The following PBX1 variants were observed in gnomAD, a reference collection of about 807,000 sequenced individuals.
PBX1 encodes PBX homeobox 1, also known as pre-B-cell leukemia transcription factor 1.
Under a neutral mutation model 53.4 loss-of-function variants are expected in PBX1, and 6 were observed. The ratio of observed to expected loss-of-function variants is 0.11; its 90% CI spans 0.06 to 0.22. The LOEUF is 0.22. Among genes scored for constraint, PBX1 ranks in the 10% least tolerant of loss-of-function variants. PBX1 has a pLI of 1.00. For synonymous variants in PBX1, 204 were observed against 212.3 expected, an observed-to-expected ratio of 0.96 and a Z score of 0.34; for missense variants, 251 against 551.4, an observed-to-expected ratio of 0.46 and a Z score of 5.46.
chr1:164,773,187 A>G (rs997016184), intron 2 of PBX1, among the ~76,000 whole-genome samples: 3 of 151,194 alleles, frequency 2.0e-5, no homozygotes, highest in African/African-American at 7.3e-5. Flanking sequence ...CTTCAGCTCC[A>G]TGTCACTCAT....
At chr1:164,772,547 G>A (rs1289541612) in intron 2 of PBX1, among the ~76,000 whole-genome samples, 1 of 152,214 alleles carries the variant, frequency 6.6e-6, no homozygotes, top group Non-Finnish European at 1.5e-5. Flanking sequence ...GTTGTCACCA[G>A]GATCACATAT....
intron 2 of PBX1, among the ~76,000 whole-genome samples, chr1:164,689,316 A>T (rs938172727): frequency 1.3e-5 from 2 of 150,962 alleles, no homozygotes; most frequent in Non-Finnish European, 3.0e-5. Context: ...TTTCTTTTTC[A>T]TTCTTCTTTT....
intron 3 of PBX1, among the ~76,000 whole-genome samples, chr1:164,794,403 G>T (rs1479921952): frequency 2.0e-5 from 3 of 152,124 alleles, no homozygotes; most frequent in Admixed American, 2.0e-4. Context: ...TTTTATGAGG[G>T]CAGAAAAATT....
intron 2 of PBX1, among the ~76,000 whole-genome samples, chr1:164,868,530 A>T (rs538260357): frequency 2.0e-5 from 3 of 152,202 alleles, no homozygotes; most frequent in African/African-American, 7.2e-5. Context: ...TGCAAGCAGC[A>T]TGGTCCAAGG....
intron 8 of PBX1, among the ~76,000 whole-genome samples, chr1:164,823,524 C>A (rs1219736593): frequency 7.1e-6 from 1 of 141,490 alleles, no homozygotes; most frequent in African/African-American, 2.7e-5. Flanking sequence ...CATGACTGGG[C>A]AGGAAATGGG....
intron 2 of PBX1, among the ~76,000 whole-genome samples, chr1:164,874,642 C>T (rs540839732): frequency 3.9e-4 from 60 of 152,192 alleles, no homozygotes; most frequent in Admixed American, 1.3e-3. Flanking sequence ...TTCAGGCGTA[C>T]GTCACCACGC....
intron 2 of PBX1, among the ~76,000 whole-genome samples, chr1:164,673,906 G>A (rs1350722924): frequency 1.3e-5 from 2 of 152,104 alleles, no homozygotes; most frequent in Non-Finnish European, 2.9e-5. Flanking sequence ...CACAATGATA[G>A]CTGCTACTTT....
chr1:164,587,626 G>T (rs762265652), intron 2 of PBX1, among the ~76,000 whole-genome samples: 1 of 152,074 alleles, frequency 6.6e-6, no homozygotes, highest in Non-Finnish European at 1.5e-5. Flanking sequence ...TGCAAAATGA[G>T]AAGTTTTAAA....
At chr1:164,615,274 C>A (rs191395222) in intron 2 of PBX1, among the ~76,000 whole-genome samples, 6 of 152,252 alleles carry the variant, frequency 3.9e-5, no homozygotes, top group Admixed American at 3.9e-4. Context: ...TTACCCTGGT[C>A]TTGTTGACCA....
intron 8 of PBX1, among the ~76,000 whole-genome samples, chr1:164,825,637 G>A (rs1166904492): frequency 2.6e-5 from 4 of 151,880 alleles, no homozygotes; most frequent in Non-Finnish European, 4.4e-5. Flanking sequence ...CAAACTTTCC[G>A]GCTGATGTAT....
chr1:164,771,217 G>A (rs1174425981), intron 2 of PBX1: 1 of 152,096 alleles, frequency 6.6e-6, no homozygotes, highest in Admixed American at 6.5e-5. Flanking sequence ...ATCAAAAGGA[G>A]AATGTAGTTT....
intron 2 of PBX1, among the ~76,000 whole-genome samples, chr1:164,783,721 A>AGT (rs973563175): frequency 2.0e-5 from 3 of 152,082 alleles, no homozygotes; most frequent in African/African-American, 7.2e-5. Flanking sequence ...GGCCTGTTTT[A>AGT]GTGTACGTTT....
chr1:164,572,276 ACT>A (rs1340534109), intron 2 of PBX1, among the ~76,000 whole-genome samples: 8 of 151,732 alleles, frequency 5.3e-5, no homozygotes, highest in Non-Finnish European at 1.0e-4. Context: ...TGTCTTCAGC[ACT>A]CTCAGCTTTT....
At chr1:164,641,470 A>T (rs1276966893) in intron 2 of PBX1, 1 of 152,880 alleles carries the variant, frequency 6.5e-6, no homozygotes, top group Non-Finnish European at 1.5e-5. Flanking sequence ...GGCTGAAATG[A>T]CTCATCTTCC....
At chr1:164,617,924 A>C (rs1571076739) in intron 2 of PBX1, among the ~76,000 whole-genome samples, 1 of 152,028 alleles carries the variant, frequency 6.6e-6, no homozygotes, top group Admixed American at 6.5e-5. Context: ...TATATTTTAA[A>C]CCAGGATTCT....
intron 2 of PBX1, among the ~76,000 whole-genome samples, chr1:164,620,668 T>C (rs949379074): frequency 6.6e-6 from 1 of 151,916 alleles, no homozygotes; most frequent in Non-Finnish European, 1.5e-5. Flanking sequence ...AGAAATGTTT[T>C]CCCCTATATT....
At chr1:164,592,301 A>G (rs1655449142) in intron 2 of PBX1, among the ~76,000 whole-genome samples, 1 of 152,220 alleles carries the variant, frequency 6.6e-6, no homozygotes, top group African/African-American at 2.4e-5. Flanking sequence ...AAATAGAAAC[A>G]CTTAGCTTTG....
At chr1:164,679,403 C>G (rs577747689) in intron 2 of PBX1, among the ~76,000 whole-genome samples, 1 of 152,282 alleles carries the variant, frequency 6.6e-6, no homozygotes, top group African/African-American at 2.4e-5. Context: ...GGGGTGCTGT[C>G]AGGTCTTGGG....
Position 164,821,740 on chromosome 1 carries a change from T to A in PBX1, c.1200+114T>A, listed in dbSNP as rs1439327964. ...AGTAGGGCTTATCTTAGCTTTACGGTCACCTAGTTTCTTGTTTCTGTATCG... is the reference window on the plus strand; with the variant it reads ...AGTAGGGCTTATCTTAGCTTTACGGACACCTAGTTTCTTGTTTCTGTATCG... On this transcript the variant is annotated intron_variant, in intron 8 of 8. Coordinates refer to ENST00000420696, the MANE Select transcript of PBX1 (RefSeq NM_002585.4). 3 of 782,416 alleles carry A rather than the reference T, an allele frequency of 3.8e-6. No individual in the cohort carries two copies. In the Admixed American group the frequency reaches 6.2e-5, roughly 16 times the overall value. The allele number at this position is 782,416 out of a possible 1,614,324, so 48.5% of individuals were successfully genotyped here. A position where few individuals can be genotyped will look rare whatever the true frequency, so the allele number is the denominator to read the frequency against.
Sources: allele counts gnomAD v4.1 joint callset (sites outside exome capture counted in the v4.1 genomes callset), GRCh38; gene constraint gnomAD v4.1.1; transcripts MANE v1.5; gene names NCBI Gene and HGNC (gene_info 2026-07-23, HGNC 2026-07-21).